KSR1: variants seen among roughly 807,000 people sequenced by gnomAD.
KSR1 encodes the protein kinase suppressor of ras.
Under a neutral mutation model 92.9 loss-of-function variants are expected in KSR1, and 35 were observed. That is an observed-to-expected ratio of 0.38 (90% CI 0.29 to 0.50). The LOEUF (loss-of-function observed/expected upper bound fraction) is 0.50. KSR1 is among the 20% of genes least tolerant of loss of function. KSR1 has a pLI of 0.94. For missense variants in KSR1, 972 were observed against 1,158.5 expected (o/e 0.84, Z 2.34); for synonymous variants, 467 against 472.6 (o/e 0.99, Z 0.15).
chr17:27,541,441 T>C (rs1158998631), intron 1 of KSR1, among the ~76,000 whole-genome samples: 1 of 152,194 alleles, frequency 6.6e-6, no homozygotes, highest in Non-Finnish European at 1.5e-5. Context: ...GGGTAGGTTA[T>C]TGCAAGTCAG....
intron 1 of KSR1, among the ~76,000 whole-genome samples, chr17:27,534,270 C>CACCAGGGTAGCTTGGG (rs2070673340): frequency 6.6e-6 from 1 of 152,246 alleles, no homozygotes; most frequent in African/African-American, 2.4e-5. Flanking sequence ...TCAAGGAATA[C>CACCAGGGTAGCTTGGG]ACCAGGGTAG....
intron 1 of KSR1, among the ~76,000 whole-genome samples, chr17:27,479,242 G>A (rs901103802): frequency 5.5e-5 from 8 of 144,566 alleles, no homozygotes; most frequent in African/African-American, 7.8e-5. Flanking sequence ...TCTTCCCTCC[G>A]TCTGTGCTCC....
chr17:27,600,966 T>G (rs573788346), intron 10 of KSR1, among the ~76,000 whole-genome samples: 2 of 152,232 alleles, frequency 1.3e-5, no homozygotes, highest in Admixed American at 1.3e-4. Context: ...TGAGACACTC[T>G]GGAGGTACAG....
chr17:27,548,475 G>A (rs948735122), intron 1 of KSR1, among the ~76,000 whole-genome samples: 3 of 152,078 alleles, frequency 2.0e-5, no homozygotes, highest in Non-Finnish European at 4.4e-5. Context: ...TTAGAAAAAT[G>A]TGCTAAGGTC....
At chr17:27,503,777 C>T (rs2069275500) in intron 1 of KSR1, among the ~76,000 whole-genome samples, 1 of 152,174 alleles carries the variant, frequency 6.6e-6, no homozygotes, top group Admixed American at 6.5e-5. Flanking sequence ...ATTCCTTCCT[C>T]CTACCCTCTC....
chr17:27,616,360 T>C (rs1567894002), intron 18 of KSR1, among the ~76,000 whole-genome samples: 1 of 152,224 alleles, frequency 6.6e-6, no homozygotes, highest in African/African-American at 2.4e-5. Context: ...ATTTCCTTGA[T>C]TTTTATCTTC....
intron 1 of KSR1, among the ~76,000 whole-genome samples, chr17:27,495,958 G>A (rs886310272): frequency 5.9e-5 from 9 of 152,200 alleles, no homozygotes; most frequent in Admixed American, 3.9e-4. Flanking sequence ...ATGGTACTGC[G>A]CATAAGCCTC....
intron 2 of KSR1, among the ~76,000 whole-genome samples, chr17:27,566,036 G>A (rs2945399): frequency 0.16 from 24,289 of 152,144 alleles, 2,081 homozygotes; most frequent in Admixed American, 0.26. Flanking sequence ...CCACTCACCC[G>A]AAGCATGCGA....
intron 1 of KSR1, among the ~76,000 whole-genome samples, chr17:27,505,829 G>A (rs533548528): frequency 6.6e-6 from 1 of 152,280 alleles, no homozygotes; most frequent in Admixed American, 6.5e-5. Flanking sequence ...CTTCCAGTTG[G>A]TTCTTTGATA....
intron 1 of KSR1, among the ~76,000 whole-genome samples, chr17:27,499,847 G>A (rs1597888750): frequency 6.6e-6 from 1 of 152,360 alleles, no homozygotes; most frequent in African/African-American, 2.4e-5. Flanking sequence ...GGGTGTACGA[G>A]GCCTTCTGTT....
At chr17:27,531,753 G>C (rs2070547110) in intron 1 of KSR1, among the ~76,000 whole-genome samples, 1 of 152,242 alleles carries the variant, frequency 6.6e-6, no homozygotes, top group Admixed American at 6.5e-5. Flanking sequence ...GGATGGTGGA[G>C]TAACATTGCC....
chr17:27,500,092 C>T (rs2069123445), intron 1 of KSR1, among the ~76,000 whole-genome samples: 1 of 152,210 alleles, frequency 6.6e-6, no homozygotes, highest in Non-Finnish European at 1.5e-5. Flanking sequence ...TGGATAAAGG[C>T]ACATTACTGG....
intron 1 of KSR1, among the ~76,000 whole-genome samples, chr17:27,469,097 T>C (rs1476498826): frequency 6.6e-6 from 1 of 152,202 alleles, no homozygotes; most frequent in Non-Finnish European, 1.5e-5. Context: ...TGCTATTCTC[T>C]GGGAGCCCCG....
chr17:27,564,288 G>C (rs2071969266), intron 2 of KSR1, among the ~76,000 whole-genome samples: 1 of 152,204 alleles, frequency 6.6e-6, no homozygotes, highest in Non-Finnish European at 1.5e-5. Flanking sequence ...CCCGCACCTG[G>C]CCTTCAGTAG....
At chr17:27,521,521 TC>T (rs2070033611) in intron 1 of KSR1, among the ~76,000 whole-genome samples, 1 of 152,054 alleles carries the variant, frequency 6.6e-6, no homozygotes, top group African/African-American at 2.4e-5. Flanking sequence ...AGCCCTGACT[TC>T]CCGGGCTCAG....
chr17:27,552,871 G>C (rs565998066), intron 2 of KSR1, among the ~76,000 whole-genome samples: 1 of 152,182 alleles, frequency 6.6e-6, no homozygotes, highest in African/African-American at 2.4e-5. Flanking sequence ...AGCACATCTG[G>C]CGTGTCATGA....
chr17:27,621,162 G>A lies in KSR1; in HGVS notation c.2628-31G>A, dbSNP rs1052264733. The A allele has an allele frequency of 8.0e-5, 32 of 398,470 alleles. 2 individuals carry two copies. The Admixed American group carries it at 9.2e-4, about 12-fold the overall frequency. 24.7% of individuals were successfully genotyped at this position (398,470 alleles called of 1,614,324 possible). On this transcript the variant is annotated intron_variant, in intron 19 of 20. Transcript: ENST00000644974. The stretch of plus-strand genomic sequence containing the variant: ...CGGGGCCGGACTGCGCTCTTCCCAC[G>A]CCTGGTGGAATGGTCGCTGGGCACT...
intron 1 of KSR1, among the ~76,000 whole-genome samples, chr17:27,546,125 C>T (rs534248703): frequency 3.0e-4 from 45 of 152,072 alleles, no homozygotes; most frequent in Admixed American, 2.2e-3. Flanking sequence ...TTCAGAGCCG[C>T]GTGGAATGGA....
chr17:27,485,299 T>G (rs2068632839), intron 1 of KSR1, among the ~76,000 whole-genome samples: 1 of 151,968 alleles, frequency 6.6e-6, no homozygotes, highest in Non-Finnish European at 1.5e-5. Flanking sequence ...GAGGGCAGGG[T>G]GATGGGTGGA....
Sources: gnomAD v4.1 joint callset for allele counts (sites outside exome capture counted in the v4.1 genomes callset) on GRCh38, gnomAD v4.1.1 for gene constraint, MANE v1.5 for transcripts, NCBI Gene and HGNC (gene_info 2026-07-23, HGNC 2026-07-21) for gene names.